Variants in FNDC3B observed in about 807,000 individuals in gnomAD.
FNDC3B encodes the protein fibronectin type III domain-containing protein 3B.
FNDC3B carries 12 observed loss-of-function variants against 151.5 expected under a neutral mutation model. That is an observed-to-expected ratio of 0.08 (90% CI 0.05 to 0.13). The LOEUF (loss-of-function observed/expected upper bound fraction) is 0.13, where lower values mean the gene tolerates loss of function less well. FNDC3B is among the 10% of genes least tolerant of loss of function. FNDC3B has a pLI of 1.00. For missense variants in FNDC3B, 1,214 were observed against 1,505.3 expected (o/e 0.81, Z 3.20); for synonymous variants, 528 against 549.0 (o/e 0.96, Z 0.54).
intron 3 of FNDC3B, among the ~76,000 whole-genome samples, chr3:172,212,186 C>G (rs1353293640): frequency 6.6e-6 from 1 of 152,120 alleles, no homozygotes; most frequent in East Asian, 1.9e-4. Flanking sequence ...GTCATCTTTG[C>G]CAGCTGAAGC....
Position 172,125,747 on chromosome 3 carries a change from G to A in FNDC3B, c.112-7724G>A, listed in dbSNP as rs956872151. 2.0e-5 allele frequency among the ~76,000 whole-genome samples: 3 copies of A among 152,320 alleles called. 1 individual carries two copies. Among genetic ancestry groups the A allele is most frequent in the South Asian group, 4.1e-4 (2 of 4,824 alleles). On this transcript the variant is annotated intron_variant, in intron 2 of 25. Coordinates refer to ENST00000415807, the MANE Select transcript of FNDC3B (RefSeq NM_022763.4). ...AAAGGAAAGAAAATGGCCACTTCGC[G>A]TCACAGGTATTTCTTAAATCTCTCG...
intron 6 of FNDC3B, among the ~76,000 whole-genome samples, chr3:172,266,966 T>C (rs1378515769): frequency 6.6e-6 from 1 of 152,178 alleles, no homozygotes; most frequent in Non-Finnish European, 1.5e-5. Context: ...GTCTGATTGA[T>C]ACACCCTCAC....
intron 1 of FNDC3B, among the ~76,000 whole-genome samples, chr3:172,088,710 A>G (rs964051248): frequency 6.6e-6 from 1 of 152,204 alleles, no homozygotes; most frequent in African/African-American, 2.4e-5. Flanking sequence ...TGTTACACTT[A>G]TAAATAAAAA....
intron 23 of FNDC3B, among the ~76,000 whole-genome samples, chr3:172,373,263 TC>T (rs562468997): frequency 6.6e-6 from 1 of 152,150 alleles, no homozygotes; most frequent in Non-Finnish European, 1.5e-5. Flanking sequence ...TCTCCTCCCT[TC>T]CCCAGGGTTG....
chr3:172,055,205 A>G (rs1716854037), intron 1 of FNDC3B, among the ~76,000 whole-genome samples: 1 of 152,202 alleles, frequency 6.6e-6, no homozygotes, highest in East Asian at 1.9e-4. Flanking sequence ...ATGGATAACA[A>G]TTTTTAAGGT....
intron 11 of FNDC3B, among the ~76,000 whole-genome samples, chr3:172,326,749 G>C (rs748141571): frequency 3.9e-5 from 6 of 152,108 alleles, no homozygotes; most frequent in Non-Finnish European, 8.8e-5. Flanking sequence ...TTTCTCGTTT[G>C]AGCCACAAAC....
At chr3:172,042,941 T>G (rs1190626458) in intron 1 of FNDC3B, among the ~76,000 whole-genome samples, 6 of 151,676 alleles carry the variant, frequency 4.0e-5, no homozygotes, top group African/African-American at 1.5e-4. Flanking sequence ...TTGAGATGGA[T>G]TCTCGCTCTG....
At chr3:172,067,536 C>T (rs958585956) in intron 1 of FNDC3B, among the ~76,000 whole-genome samples, 7 of 152,084 alleles carry the variant, frequency 4.6e-5, no homozygotes, top group African/African-American at 1.7e-4. Flanking sequence ...TAAAAGTACA[C>T]TTTCTTAGTG....
chr3:172,188,864 C>A (rs1474697343), intron 3 of FNDC3B, among the ~76,000 whole-genome samples: 1 of 152,142 alleles, frequency 6.6e-6, no homozygotes, highest in Non-Finnish European at 1.5e-5. Flanking sequence ...TGCACTGCTC[C>A]CCAGGTATCT....
chr3:172,077,540 T>C (rs73037201), intron 1 of FNDC3B, among the ~76,000 whole-genome samples: 6,035 of 152,300 alleles, frequency 0.04, 381 homozygotes, highest in African/African-American at 0.13. Flanking sequence ...AGTTAGCAGA[T>C]GGCGATTTAT....
chr3:172,148,854 T>C (rs1722067734), intron 3 of FNDC3B, among the ~76,000 whole-genome samples: 1 of 152,202 alleles, frequency 6.6e-6, no homozygotes, highest in African/African-American at 2.4e-5. Flanking sequence ...TATCAGCAAT[T>C]AACATTCCTC....
intron 1 of FNDC3B, among the ~76,000 whole-genome samples, chr3:172,111,565 A>C (rs138040712): frequency 1.3e-5 from 2 of 152,314 alleles, no homozygotes; most frequent in Non-Finnish European, 2.9e-5. Flanking sequence ...AAAAGTTTAT[A>C]ATCTCTTGGG....
chr3:172,089,944 C>G (rs1718729470), intron 1 of FNDC3B, among the ~76,000 whole-genome samples: 1 of 152,164 alleles, frequency 6.6e-6, no homozygotes, highest in African/African-American at 2.4e-5. Flanking sequence ...ATATATAATT[C>G]ATTTGTATCA....
At chr3:172,259,588 A>G (rs531508352) in intron 6 of FNDC3B, among the ~76,000 whole-genome samples, 1 of 152,306 alleles carries the variant, frequency 6.6e-6, no homozygotes, top group Middle Eastern at 3.4e-3. Context: ...CTTTTCTGTA[A>G]GACCCCTTTA....
chr3:172,235,240 A>G (rs1462749776), intron 4 of FNDC3B, among the ~76,000 whole-genome samples: 1 of 152,200 alleles, frequency 6.6e-6, no homozygotes, highest in African/African-American at 2.4e-5. Context: ...ACACTGTAAT[A>G]TGACATGGAA....
intron 11 of FNDC3B, among the ~76,000 whole-genome samples, chr3:172,318,450 C>T (rs917086839): frequency 6.6e-6 from 1 of 152,230 alleles, no homozygotes; most frequent in Non-Finnish European, 1.5e-5. Flanking sequence ...AATCAGACTC[C>T]TGCTTAGCTC....
chr3:172,167,326 G>A lies in FNDC3B; in HGVS notation c.187+33780G>A, dbSNP rs149414343. ...CACGAGAATCGCTTGAACCCAGGAGGCAGAGGTTGCAGTGAGCCAAGACGG... is the reference window on the plus strand; with the variant it reads ...CACGAGAATCGCTTGAACCCAGGAGACAGAGGTTGCAGTGAGCCAAGACGG... On this transcript the variant is annotated intron_variant, in intron 3 of 25. Transcript: ENST00000415807. 6.1e-4 allele frequency among the ~76,000 whole-genome samples: 93 copies of A among 152,258 alleles called. 1 individual carries two copies. In the East Asian group the frequency reaches 0.016, roughly 26 times the overall value.
chr3:172,252,078 G>A (rs528168408), intron 6 of FNDC3B, among the ~76,000 whole-genome samples: 58 of 152,280 alleles, frequency 3.8e-4, no homozygotes, highest in African/African-American at 1.3e-3. Flanking sequence ...GGAAGAATGA[G>A]GGCCACCACA....
At chr3:172,239,722 C>T (rs1727371364) in intron 4 of FNDC3B, among the ~76,000 whole-genome samples, 1 of 149,848 alleles carries the variant, frequency 6.7e-6, no homozygotes, top group South Asian at 2.1e-4. Flanking sequence ...TATTAAAATT[C>T]CTTTGAAGCA....
Sources: allele counts gnomAD v4.1 joint callset (sites outside exome capture counted in the v4.1 genomes callset), GRCh38; gene constraint gnomAD v4.1.1; transcripts MANE v1.5; gene names NCBI Gene and HGNC (gene_info 2026-07-23, HGNC 2026-07-21).